Variants in CSMD2 observed in about 807,000 individuals in gnomAD.
CSMD2 encodes CUB and Sushi multiple domains 2, also known as CUB and sushi domain-containing protein 2.
CSMD2 carries 130 observed loss-of-function variants against 398.5 expected under a neutral mutation model. The observed-to-expected ratio is 0.33, with a 90% confidence interval of 0.28 to 0.38. CSMD2 has a LOEUF of 0.38. Among genes scored for constraint, CSMD2 ranks in the 10% least tolerant of loss-of-function variants. The probability of loss-of-function intolerance (pLI) is 1.00; values close to 1 mark genes in which losing one functional copy is unlikely to be tolerated. For missense variants in CSMD2, 3,829 were observed against 4,764.9 expected (o/e 0.80, Z 5.78); for synonymous variants, 1,828 against 1,908.5 (o/e 0.96, Z 1.10).
rs189809517 is a variant in CSMD2, at chr1:33,782,116, T to C, written c.1663+6484A>G. ...GTGCCTAAGGGATGAGTGGAAATGA[T>C]GGATATGGGAGGTCTCTGCCCTTGG... On this transcript the variant is annotated intron_variant, in intron 12 of 70. Coordinates refer to ENST00000373381, the MANE Select transcript of CSMD2 (RefSeq NM_001281956.2). Among the ~76,000 whole-genome samples the C allele has an allele frequency of 5.1e-4, 77 of 152,180 alleles. No homozygotes were observed. In the East Asian group the frequency reaches 0.011, roughly 21 times the overall value.
intron 25 of CSMD2, among the ~76,000 whole-genome samples, chr1:33,671,397 C>T (rs1158583564): frequency 6.6e-6 from 1 of 152,046 alleles, no homozygotes; most frequent in Non-Finnish European, 1.5e-5. Context: ...TCTCACTGGG[C>T]CCCTGGTTCT....
chr1:33,758,215 A>AT (rs1383829815), intron 13 of CSMD2, among the ~76,000 whole-genome samples: 3 of 151,990 alleles, frequency 2.0e-5, no homozygotes, highest in African/African-American at 7.2e-5. Context: ...CCATGTTTGT[A>AT]TTTTTGCCCC....
chr1:33,913,144 G>A (rs986608978), intron 5 of CSMD2, among the ~76,000 whole-genome samples: 1 of 152,208 alleles, frequency 6.6e-6, no homozygotes, highest in African/African-American at 2.4e-5. Context: ...TAACTGGCCA[G>A]TGTGGGGCTA....
chr1:33,628,984 G>T (rs167127), intron 32 of CSMD2, among the ~76,000 whole-genome samples: 146,882 of 151,800 alleles, frequency 0.97, 71,082 homozygotes, highest in East Asian at 1. Flanking sequence ...TACAATCAAG[G>T]TGTCATTTAT....
chr1:33,732,028 C>A (rs1284722750), intron 15 of CSMD2, among the ~76,000 whole-genome samples: 1 of 152,128 alleles, frequency 6.6e-6, no homozygotes, highest in Non-Finnish European at 1.5e-5. Context: ...GTTCATTATA[C>A]TATTCTCTCT....
intron 13 of CSMD2, among the ~76,000 whole-genome samples, chr1:33,765,022 A>C (rs1345874554): frequency 6.6e-6 from 1 of 152,260 alleles, no homozygotes; most frequent in African/African-American, 2.4e-5. Context: ...GAAGCAATGC[A>C]TGTGACCTAT....
Position 33,957,844 on chromosome 1 carries a change from T to C in CSMD2, c.518-21890A>G, listed in dbSNP as rs188385905. ...GCAGTAGAGACACCGAACAGAACCC[T>C]GATCCTGCCAATAAGCAATTCATTT... On this transcript the variant is annotated intron_variant, in intron 3 of 70. Transcript: ENST00000373381. 1.6e-3 allele frequency among the ~76,000 whole-genome samples: 248 copies of C among 152,294 alleles called. 1 individual carries two copies. The highest frequency in any genetic ancestry group is 6.9e-4 in the Non-Finnish European group (47 of 68,026).
At chr1:33,997,061 T>G (rs1336652627) in intron 3 of CSMD2, among the ~76,000 whole-genome samples, 1 of 152,206 alleles carries the variant, frequency 6.6e-6, no homozygotes, top group Non-Finnish European at 1.5e-5. Flanking sequence ...CTGGGTTTTG[T>G]GTTCTCAACC....
At chr1:34,157,559 C>A (rs1054972062) in intron 1 of CSMD2, among the ~76,000 whole-genome samples, 4 of 151,046 alleles carry the variant, frequency 2.6e-5, no homozygotes, top group Admixed American at 6.6e-5. Flanking sequence ...ACTCCACCCA[C>A]CCCATCTTAT....
In CSMD2 at chr1:33,519,669, G is replaced by A; in HGVS notation, c.10745C>T (p.Pro3582Leu). The A allele has an allele frequency of 6.2e-7, 1 of 1,614,014 alleles. No homozygotes were observed. The highest frequency in any genetic ancestry group is 1.1e-5 in the South Asian group (1 of 91,034). The change falls in exon 70 of 71, where the codon CCC (proline) becomes CTC (leucine). Residue 3582 changes from proline to leucine, a missense_variant. Pro to Leu is a moderately conservative substitution (Grantham distance 98). Transcript: ENST00000373381. The surrounding 1 kb of genome is among the most constrained non-coding windows in gnomAD (Gnocchi z 5.6). Reference protein sequence around the residue: ...VLYLYKHRRRPKVPFNGYAGH... With the variant: ...VLYLYKHRRRLKVPFNGYAGH... The stretch of plus-strand genomic sequence containing the variant: ...AGCATAGCCATTGAAAGGAACTTTG[G>A]GTCTTCTCCTGGCGATAAAAGAGGA...
chr1:33,755,206 G>T (rs1309575316), intron 13 of CSMD2, among the ~76,000 whole-genome samples: 1 of 152,110 alleles, frequency 6.6e-6, no homozygotes, highest in African/African-American at 2.4e-5. Flanking sequence ...TTCAGCTATT[G>T]TTGAGCTGGA....
intron 5 of CSMD2, among the ~76,000 whole-genome samples, chr1:33,898,950 G>A (rs1468817791): frequency 2.0e-5 from 3 of 152,212 alleles, no homozygotes; most frequent in African/African-American, 7.2e-5. Flanking sequence ...TCAGGAAGCA[G>A]GCCTGCCTGT....
chr1:34,132,449 T>G (rs1270142524), intron 1 of CSMD2, among the ~76,000 whole-genome samples: 1 of 152,122 alleles, frequency 6.6e-6, no homozygotes, highest in Non-Finnish European at 1.5e-5. Context: ...CTCCCCCAGG[T>G]GTAGTTACTT....
chr1:33,785,803 A>G (rs1434093354), intron 12 of CSMD2, among the ~76,000 whole-genome samples: 1 of 152,176 alleles, frequency 6.6e-6, no homozygotes. Flanking sequence ...AACAAGTGGT[A>G]TGTCCCTTTC....
chr1:33,543,057 G>T (rs1353792096), intron 57 of CSMD2, among the ~76,000 whole-genome samples, 161 bp from the exon 58 acceptor site: 51 of 152,330 alleles, frequency 3.3e-4, no homozygotes, highest in African/African-American at 1.2e-3. Context: ...CCCTAGACAG[G>T]AAGGAGAGAC....
intron 19 of CSMD2, among the ~76,000 whole-genome samples, chr1:33,718,278 T>C (rs1470532305): frequency 6.6e-6 from 1 of 152,132 alleles, no homozygotes; most frequent in Non-Finnish European, 1.5e-5. Context: ...TGAGGGAAGT[T>C]ATAGAGCAGC....
intron 3 of CSMD2, among the ~76,000 whole-genome samples, chr1:33,964,601 C>CT (rs1645492149): frequency 1.3e-5 from 2 of 152,164 alleles, no homozygotes; most frequent in African/African-American, 2.4e-5. Context: ...AAGACTTCTG[C>CT]TTTTTTGTTT....
At position 33,818,089 on chromosome 1, in the gene CSMD2, T is replaced by C. The variant is rs1019234028; in HGVS notation, c.1324+1624A>G. Among the ~76,000 whole-genome samples, 3 of 152,324 alleles carry C rather than the reference T, an allele frequency of 2.0e-5. No homozygotes were observed. The East Asian group carries it at 5.8e-4, about 29-fold the overall frequency. On this transcript the variant is annotated intron_variant, in intron 9 of 70. Transcript: ENST00000373381. ...GAGAACTAAGAGAACAACCTTCCTC[T>C]AGTGAAAAGGTCTTGAGGAGGGACC...
intron 25 of CSMD2, among the ~76,000 whole-genome samples, chr1:33,689,872 C>T (rs755423174): frequency 9.2e-5 from 14 of 152,156 alleles, no homozygotes; most frequent in South Asian, 2.1e-4. Context: ...AAAATAGTAA[C>T]GCCATTTGGG....
Sources: allele counts gnomAD v4.1 joint callset (sites outside exome capture counted in the v4.1 genomes callset), GRCh38; gene constraint gnomAD v4.1.1; non-coding constraint Gnocchi (gnomAD v3.1); transcripts MANE v1.5; gene names NCBI Gene and HGNC (gene_info 2026-07-23, HGNC 2026-07-21).